The following PLEKHA7 variants were observed in gnomAD, a reference collection of about 807,000 sequenced individuals.
PLEKHA7 encodes the protein pleckstrin homology domain-containing family A member 7.
PLEKHA7 carries 104 observed loss-of-function variants against 170.0 expected under a neutral mutation model. The observed-to-expected ratio is 0.61, with a 90% CI of 0.52 to 0.72. The LOEUF (loss-of-function observed/expected upper bound fraction) is 0.72. Among genes scored for constraint, PLEKHA7 ranks in the 30% least tolerant of loss-of-function variants. The probability of loss-of-function intolerance (pLI) is 0.00; values close to 1 mark genes in which losing one functional copy is unlikely to be tolerated. For synonymous variants in PLEKHA7, 648 were observed against 660.8 expected (o/e 0.98, Z 0.30); for missense variants, 1,615 against 1,671.7 (o/e 0.97, Z 0.59).
intron 3 of PLEKHA7, among the ~76,000 whole-genome samples, chr11:16,953,122 AG>A (rs1375942536): frequency 2.0e-5 from 3 of 152,242 alleles, no homozygotes; most frequent in African/African-American, 7.2e-5. Flanking sequence ...TATGCCTTAA[AG>A]GCTAAGGATT....
chr11:16,968,040 T>C (rs1288411076), intron 3 of PLEKHA7, among the ~76,000 whole-genome samples: 3 of 151,948 alleles, frequency 2.0e-5, no homozygotes, highest in East Asian at 3.9e-4. Context: ...GGGAGAAGAA[T>C]AGATAGAACC....
intron 3 of PLEKHA7, among the ~76,000 whole-genome samples, chr11:17,008,803 C>T (rs1007190586): frequency 2.6e-5 from 4 of 152,140 alleles, no homozygotes; most frequent in East Asian, 3.9e-4. Flanking sequence ...GTAGGGGGAA[C>T]GGAATTCACA....
chr11:16,899,029 A>G (rs1325408179), intron 3 of PLEKHA7, among the ~76,000 whole-genome samples: 1 of 152,240 alleles, frequency 6.6e-6, no homozygotes, highest in African/African-American at 2.4e-5. Context: ...TCAATGTGAA[A>G]CCAATCAAGA....
intron 10 of PLEKHA7, among the ~76,000 whole-genome samples, chr11:16,824,998 C>A (rs1850527380): frequency 6.6e-6 from 1 of 152,232 alleles, no homozygotes; most frequent in Non-Finnish European, 1.5e-5. Flanking sequence ...GACACCTGGT[C>A]ATTCTCAGTT....
rs1847855527 is a variant in PLEKHA7 at position 16,791,533 on chromosome 11, GCAGGCAGGCTGCT to G, written c.2746-347_2746-335del. On this transcript the variant is annotated intron_variant, in intron 19 of 26. Coordinates refer to ENST00000531066, the MANE Select transcript of PLEKHA7 (RefSeq NM_001329630.2). This position sits in a 1 kb window ranked among gnomAD's most constrained non-coding sequence, Gnocchi z 4.5. ...CCTCCGCTCATCTGGAGTGCACATC[GCAGGCAGGCTGCT>G]AACCCTGCCCTGACTTCCATGCTTA... 2 of 520,542 alleles carry G rather than the reference GCAGGCAGGCTGCT, an allele frequency of 3.8e-6. No individual in the cohort carries two copies. The highest frequency in any genetic ancestry group is 7.4e-6 in the Non-Finnish European group (2 of 268,836). 32.2% of individuals were successfully genotyped at this position (520,542 alleles called of 1,614,324 possible).
At chr11:16,939,183 A>G (rs978681203) in intron 3 of PLEKHA7, among the ~76,000 whole-genome samples, 1 of 152,160 alleles carries the variant, frequency 6.6e-6, no homozygotes, top group Non-Finnish European at 1.5e-5. Flanking sequence ...AGGCTGAAGC[A>G]GGTAGATCAT....
At chr11:16,807,257 CG>C (rs2134502376) in intron 13 of PLEKHA7, 1 of 921,594 alleles carries the variant, frequency 1.1e-6, no homozygotes, top group Non-Finnish European at 1.3e-6. Flanking sequence ...TACAACAAAA[CG>C]TAACAGGTGA....
At position 16,965,004 on chromosome 11, in the gene PLEKHA7, TAAA is replaced by T. The variant is rs11447088; in HGVS notation, c.221+48982_221+48984del. On this transcript the variant is annotated intron_variant, in intron 3 of 26. Coordinates refer to ENST00000531066, the MANE Select transcript of PLEKHA7 (RefSeq NM_001329630.2). ...ATTTATTAATGGGATATACATGATT[TAAA>T]AAAAAAAAAAAAAGGTTTGGGCCAG... Among the ~76,000 whole-genome samples, 1,084 of 147,860 alleles carry T rather than the reference TAAA, an allele frequency of 7.3e-3. 1 individual carries two copies. The highest frequency in any genetic ancestry group is 0.01 in the Non-Finnish European group (703 of 67,042).
intron 3 of PLEKHA7, among the ~76,000 whole-genome samples, chr11:16,959,039 T>C (rs1861881594): frequency 6.6e-6 from 1 of 152,218 alleles, no homozygotes. Flanking sequence ...TTTCAGACGT[T>C]AGCCCAGCTT....
intron 3 of PLEKHA7, among the ~76,000 whole-genome samples, chr11:16,965,093 G>C (rs192694428): frequency 5.3e-5 from 8 of 151,970 alleles, no homozygotes; most frequent in Admixed American, 1.3e-4. Context: ...CAAATCACTT[G>C]AGGTCAGGAG....
chr11:16,875,643 C>T (rs917266047), intron 3 of PLEKHA7, among the ~76,000 whole-genome samples: 3 of 152,118 alleles, frequency 2.0e-5, no homozygotes, highest in Non-Finnish European at 4.4e-5. Flanking sequence ...TGGGGTTTCA[C>T]CATGTTGCCC....
At chr11:16,810,255 C>T (rs1362743901) in intron 13 of PLEKHA7, among the ~76,000 whole-genome samples, 1 of 152,232 alleles carries the variant, frequency 6.6e-6, no homozygotes, top group African/African-American at 2.4e-5. Context: ...CCGTCAATAC[C>T]TCTCCCCTGA....
Position 16,789,077 on chromosome 11 carries a change from C to T in PLEKHA7, c.3357+19G>A, listed in dbSNP as rs1401735594. ...CGGCTCCCTGTCCCTGCCCCGCTGC[C>T]TGGCCCCTCCTAACATACTGAGCCA... On this transcript the variant is annotated intron_variant, in intron 23 of 26. Transcript: ENST00000531066. This position sits in a 1 kb window ranked among gnomAD's most constrained non-coding sequence, Gnocchi z 4.6. The T allele has an allele frequency of 1.7e-5, 27 of 1,597,502 alleles. No homozygotes were observed. The highest frequency in any genetic ancestry group is 2.2e-5 in the Non-Finnish European group (26 of 1,179,060).
intron 13 of PLEKHA7, among the ~76,000 whole-genome samples, chr11:16,805,073 G>A (rs377709975): frequency 1.4e-4 from 21 of 152,336 alleles, no homozygotes; most frequent in African/African-American, 5.1e-4. Context: ...CCAAGAACAA[G>A]GAGGTTGTCT....
At position 16,871,090 on chromosome 11, in the gene PLEKHA7, A is replaced by C. The variant is rs1423856184; in HGVS notation, c.305+9T>G. Reference sequence around the variant, plus strand: ...TGCCCAGATAAGGAGAATACATAAAAAGACTTACTCTTCTTGAAGAATGAA... The same window carrying C: ...TGCCCAGATAAGGAGAATACATAAACAGACTTACTCTTCTTGAAGAATGAA... On this transcript the variant is annotated intron_variant, in intron 4 of 26. Coordinates refer to ENST00000531066, the MANE Select transcript of PLEKHA7 (RefSeq NM_001329630.2). The C allele has an allele frequency of 6.4e-7, 1 of 1,574,594 alleles. No homozygotes were observed. The highest frequency in any genetic ancestry group is 8.7e-7 in the Non-Finnish European group (1 of 1,144,710).
intron 9 of PLEKHA7, among the ~76,000 whole-genome samples, chr11:16,837,989 G>C (rs1432634467): frequency 6.6e-6 from 1 of 152,112 alleles, no homozygotes; most frequent in Admixed American, 6.6e-5. Flanking sequence ...AAAGGGAAGG[G>C]GGAAAAGACC....
intron 3 of PLEKHA7, among the ~76,000 whole-genome samples, chr11:16,924,213 G>A (rs1380867267): frequency 6.6e-6 from 1 of 152,214 alleles, no homozygotes; most frequent in African/African-American, 2.4e-5. Context: ...GAAACTGCCT[G>A]AGGGAGGAGC....
chr11:16,786,200 G>T, intron 24 of PLEKHA7, 29 bp downstream of exon 24: 1 of 1,534,806 alleles, frequency 6.5e-7, no homozygotes, highest in East Asian at 2.4e-5. Context: ...ATGTCTCCTG[G>T]AGGACATGAA....
chr11:16,782,024 G>A (rs79715054), intron 26 of PLEKHA7, among the ~76,000 whole-genome samples: 2,398 of 152,126 alleles, frequency 0.016, 40 homozygotes, highest in African/African-American at 0.053. Flanking sequence ...GTGGAAGGAG[G>A]AGCCTGCGGT....
Sources: allele counts gnomAD v4.1 joint callset (sites outside exome capture counted in the v4.1 genomes callset), GRCh38; gene constraint gnomAD v4.1.1; non-coding constraint Gnocchi (gnomAD v3.1); transcripts MANE v1.5; gene names NCBI Gene and HGNC (gene_info 2026-07-23, HGNC 2026-07-21).